The following CHST9 variants were observed in gnomAD, a reference collection of about 807,000 sequenced individuals.
CHST9 encodes the protein GalNAc-4-sulfotransferase 2.
In CHST9, 41 loss-of-function variants were observed where a neutral mutation model predicts 44.4. The observed-to-expected ratio is 0.92, with a 90% CI of 0.72 to 1.20. The LOEUF is 1.20. CHST9 is among the 50% of genes most tolerant of loss of function. The probability of loss-of-function intolerance (pLI) is 0.00; values close to 1 mark genes in which losing one functional copy is unlikely to be tolerated. For missense variants in CHST9, 504 were observed against 516.5 expected (o/e 0.98, Z 0.23); for synonymous variants, 171 against 178.4 (o/e 0.96, Z 0.33).
intron 1 of CHST9, among the ~76,000 whole-genome samples, chr18:27,171,883 C>T: frequency 6.6e-6 from 1 of 152,130 alleles, no homozygotes. Context: ...TGTTTTAATA[C>T]ATGCACAAAT....
intron 1 of CHST9, among the ~76,000 whole-genome samples, chr18:27,164,290 C>G (rs547342212): frequency 3.0e-4 from 44 of 147,616 alleles, no homozygotes; most frequent in Non-Finnish European, 5.7e-4. Flanking sequence ...AGGAAAGGCC[C>G]TATGTTTAAT....
chr18:27,000,622 GTCTATCTATCTA>G (rs6146241), intron 4 of CHST9, among the ~76,000 whole-genome samples: 3 of 147,488 alleles, frequency 2.0e-5, no homozygotes, highest in African/African-American at 5.0e-5. Context: ...TATTTGTTTT[GTCTATCTATCTA>G]TCTATCTATC....
chr18:26,973,437 G>A (rs957619221), intron 4 of CHST9, among the ~76,000 whole-genome samples: 1 of 152,210 alleles, frequency 6.6e-6, no homozygotes, highest in African/African-American at 2.4e-5. Context: ...AAGGCCCCGG[G>A]TTCAAGTAGT....
At chr18:26,944,631 T>A (rs1231171334) in intron 4 of CHST9, among the ~76,000 whole-genome samples, 3 of 152,138 alleles carry the variant, frequency 2.0e-5, no homozygotes, top group African/African-American at 4.8e-5. Context: ...TATTAAACTT[T>A]CACAGATAAA....
chr18:27,149,548 T>C (rs2058643179), intron 1 of CHST9, among the ~76,000 whole-genome samples: 1 of 152,012 alleles, frequency 6.6e-6, no homozygotes. Flanking sequence ...TATTACTGGG[T>C]ATATATCCCG....
At chr18:26,936,215 T>C (rs1186371088) in intron 5 of CHST9, 1 of 152,186 alleles carries the variant, frequency 6.6e-6, no homozygotes, top group Non-Finnish European at 1.5e-5. Context: ...CATAACTCTT[T>C]TATGTTACCA....
chr18:26,927,771 C>A (rs1328297985), intron 5 of CHST9, among the ~76,000 whole-genome samples: 2 of 151,038 alleles, frequency 1.3e-5, no homozygotes, highest in African/African-American at 4.9e-5. Flanking sequence ...CTTATCTCAA[C>A]TGCAAAGAGG....
At chr18:27,152,200 T>G (rs958496187) in intron 1 of CHST9, among the ~76,000 whole-genome samples, 2 of 152,190 alleles carry the variant, frequency 1.3e-5, no homozygotes, top group Non-Finnish European at 2.9e-5. Context: ...ATTTAACAGG[T>G]GTCTTCTACT....
chr18:27,176,014 A>G (rs1244072104), intron 1 of CHST9, among the ~76,000 whole-genome samples: 2 of 152,028 alleles, frequency 1.3e-5, no homozygotes, highest in Non-Finnish European at 2.9e-5. Context: ...GTTAACTAAG[A>G]GTTAACTAGA....
At chr18:26,956,359 A>T (rs1815817) in intron 4 of CHST9, among the ~76,000 whole-genome samples, 12 of 144,902 alleles carry the variant, frequency 8.3e-5, no homozygotes, top group Non-Finnish European at 3.0e-5. Context: ...ACACAATTAT[A>T]TCATATATAC....
At chr18:27,177,637 TG>T (rs879744747) in intron 1 of CHST9, among the ~76,000 whole-genome samples, 5 of 151,996 alleles carry the variant, frequency 3.3e-5, no homozygotes, top group Admixed American at 1.3e-4. Flanking sequence ...CCACATTAGC[TG>T]GGTATATTTT....
chr18:27,179,920 A>T (rs1402510751), intron 1 of CHST9, among the ~76,000 whole-genome samples: 1 of 152,158 alleles, frequency 6.6e-6, no homozygotes, highest in Non-Finnish European at 1.5e-5. Flanking sequence ...CATCTCTTGA[A>T]ATAGAATTAA....
At chr18:27,056,253 T>C (rs1003046647) in intron 2 of CHST9, among the ~76,000 whole-genome samples, 2 of 152,220 alleles carry the variant, frequency 1.3e-5, no homozygotes, top group African/African-American at 2.4e-5. Flanking sequence ...CACTTAAATA[T>C]TTCATTTAAT....
intron 2 of CHST9, among the ~76,000 whole-genome samples, chr18:27,066,158 G>A (rs760747666): frequency 4.6e-5 from 7 of 152,220 alleles, no homozygotes; most frequent in Non-Finnish European, 4.4e-5. Context: ...GTCAAAAGGA[G>A]AAGAACTTGC....
At chr18:27,178,048 G>C (rs1429107185) in intron 1 of CHST9, among the ~76,000 whole-genome samples, 1 of 151,956 alleles carries the variant, frequency 6.6e-6, no homozygotes, top group Non-Finnish European at 1.5e-5. Context: ...AACAAAAGTA[G>C]ACCGAATAAA....
chr18:27,064,538 G>C (rs1037838105), intron 2 of CHST9, among the ~76,000 whole-genome samples: 7 of 152,324 alleles, frequency 4.6e-5, no homozygotes, highest in African/African-American at 1.4e-4. Context: ...TTCAGATGAT[G>C]CCCTCATGGA....
chr18:27,123,894 AG>A (rs1374447144), intron 2 of CHST9, among the ~76,000 whole-genome samples: 2 of 152,220 alleles, frequency 1.3e-5, no homozygotes, highest in Admixed American at 6.5e-5. Flanking sequence ...CACCTCTCTC[AG>A]GAATTCTTTC....
At chr18:27,091,592 T>C (rs2058069670) in intron 2 of CHST9, among the ~76,000 whole-genome samples, 1 of 152,198 alleles carries the variant, frequency 6.6e-6, no homozygotes, top group Non-Finnish European at 1.5e-5. Context: ...TTGTCATAGA[T>C]AGCTCTTATT....
chr18:26,927,716 A>C (rs1263759186), intron 5 of CHST9, among the ~76,000 whole-genome samples: 1 of 94,558 alleles, frequency 1.1e-5, no homozygotes, highest in Non-Finnish European at 2.0e-5. Flanking sequence ...GAGACATTCC[A>C]TTGCTCAGGG....
Sources: allele counts gnomAD v4.1 joint callset (sites outside exome capture counted in the v4.1 genomes callset), GRCh38; gene constraint gnomAD v4.1.1; transcripts MANE v1.5; gene names NCBI Gene and HGNC (gene_info 2026-07-23, HGNC 2026-07-21).